The following PTPRQ variants were observed in gnomAD, a reference collection of about 807,000 sequenced individuals.
The protein encoded by PTPRQ is phosphatidylinositol phosphatase PTPRQ.
In PTPRQ, 199 loss-of-function variants were observed where a neutral mutation model predicts 246.0. The ratio of observed to expected loss-of-function variants is 0.81; its 90% CI spans 0.72 to 0.91. The LOEUF (loss-of-function observed/expected upper bound fraction) is 0.91. Among genes scored for constraint, PTPRQ ranks in the 40% least tolerant of loss-of-function variants. The pLI is 0.00. For synonymous variants in PTPRQ, 869 were observed against 853.2 expected, an observed-to-expected ratio of 1.02 and a Z score of -0.32; for missense variants, 2,624 against 2,528.4, an observed-to-expected ratio of 1.04 and a Z score of -0.81.
intron 8 of PTPRQ, among the ~76,000 whole-genome samples, chr12:80,478,168 C>G (rs1008253835): frequency 1.4e-5 from 2 of 147,744 alleles, no homozygotes; most frequent in Non-Finnish European, 3.0e-5. Flanking sequence ...TCTCCCAGCA[C>G]GCAGCTGGAG....
rs1893034117 is a variant in PTPRQ at position 80,458,054 on chromosome 12, CAT to C, written c.460+412_460+413del. On this transcript the variant is annotated intron_variant, in intron 4 of 44. Transcript: ENST00000644991. ...CTGCCTTTTCTTTTTAACATGAAGT[CAT>C]AAGCTTGTTATAACATAAGACTTTT... Among the ~76,000 whole-genome samples the C allele has an allele frequency of 2.0e-5, 3 of 151,964 alleles. No homozygotes were observed. The South Asian group carries it at 6.2e-4, about 31-fold the overall frequency.
chr12:80,576,036 A>C (rs1897271710), intron 25 of PTPRQ, among the ~76,000 whole-genome samples: 1 of 152,028 alleles, frequency 6.6e-6, no homozygotes, highest in African/African-American at 2.4e-5. Context: ...GCTCCTGAAC[A>C]ATCCCAATTC....
At chr12:80,648,810 T>G (rs1347107387) in intron 35 of PTPRQ, 87 bp from the exon 36 acceptor site, 3 of 1,217,612 alleles carry the variant, frequency 2.5e-6, no homozygotes, top group Non-Finnish European at 3.3e-6. Flanking sequence ...ATTGATTTAT[T>G]ATAATTTTCT....
chr12:80,539,670 A>T, intron 19 of PTPRQ, 106 bp from the exon 20 acceptor site: 1 of 953,846 alleles, frequency 1.0e-6, no homozygotes, highest in Non-Finnish European at 1.4e-6. Context: ...ACAACATATT[A>T]AAATAATGAT....
chr12:80,498,157 T>C (rs1894686246), intron 14 of PTPRQ, among the ~76,000 whole-genome samples: 1 of 152,064 alleles, frequency 6.6e-6, no homozygotes, highest in South Asian at 2.1e-4. Flanking sequence ...TTTGTAGATA[T>C]TGTACCTGAA....
At chr12:80,483,186 C>T (rs1894135471) in intron 8 of PTPRQ, among the ~76,000 whole-genome samples, 1 of 123,710 alleles carries the variant, frequency 8.1e-6, no homozygotes, top group South Asian at 2.7e-4. Flanking sequence ...CCATGGAATA[C>T]TATGCAGCCA....
chr12:80,469,426 A>G (rs935338806), intron 7 of PTPRQ, among the ~76,000 whole-genome samples: 5 of 152,198 alleles, frequency 3.3e-5, no homozygotes, highest in African/African-American at 4.8e-5. Context: ...AGGATCAAGT[A>G]TTATATCATT....
In PTPRQ at chr12:80,589,646, T is replaced by C. The variant is rs2121023316; in HGVS notation, c.4609+1194T>C. Among the ~76,000 whole-genome samples, 4 of 152,296 alleles carry C rather than the reference T, an allele frequency of 2.6e-5. No homozygotes were observed. The South Asian group carries it at 8.3e-4, about 32-fold the overall frequency. ...ATTTCCCAGAGTATCTGGCATAATG[T>C]CTGTAATAGTAAATGTTCAATAAAT... is the stretch of plus-strand genomic sequence containing the variant. On this transcript the variant is annotated intron_variant, in intron 26 of 44. Coordinates refer to ENST00000644991, the MANE Select transcript of PTPRQ (RefSeq NM_001145026.2).
intron 25 of PTPRQ, among the ~76,000 whole-genome samples, chr12:80,570,857 C>T (rs959282149): frequency 2.6e-5 from 4 of 152,134 alleles, no homozygotes; most frequent in East Asian, 1.9e-4. Flanking sequence ...TTCCCCATTG[C>T]TTGTTTCTGT....
chr12:80,632,907 C>T (rs1899494268), intron 34 of PTPRQ, among the ~76,000 whole-genome samples: 1 of 152,106 alleles, frequency 6.6e-6, no homozygotes, highest in Non-Finnish European at 1.5e-5. Flanking sequence ...ATGGCATGGG[C>T]AGAACGTTCA....
intron 35 of PTPRQ, among the ~76,000 whole-genome samples, chr12:80,642,389 G>A (rs1441093030): frequency 1.3e-5 from 2 of 152,124 alleles, no homozygotes; most frequent in Non-Finnish European, 2.9e-5. Context: ...ATTCTACCCT[G>A]TTGCCCCGGA....
At chr12:80,486,934 T>A (rs1479901131) in intron 9 of PTPRQ, among the ~76,000 whole-genome samples, 2 of 152,192 alleles carry the variant, frequency 1.3e-5, no homozygotes, top group African/African-American at 4.8e-5. Flanking sequence ...TTTTATGTAC[T>A]GTGACATTGC....
At chr12:80,566,696 C>T (rs919771568) in intron 25 of PTPRQ, among the ~76,000 whole-genome samples, 1 of 151,932 alleles carries the variant, frequency 6.6e-6, no homozygotes, top group Non-Finnish European at 1.5e-5. Flanking sequence ...CATGCCACCA[C>T]ACCTGGCTAA....
At chr12:80,551,577 G>A (rs772064610) in intron 25 of PTPRQ, among the ~76,000 whole-genome samples, 10 of 152,060 alleles carry the variant, frequency 6.6e-5, no homozygotes, top group African/African-American at 2.2e-4. Flanking sequence ...AAGTTTAGAC[G>A]TGTCAAGTTG....
chr12:80,482,579 C>G (rs1387681093), intron 8 of PTPRQ, among the ~76,000 whole-genome samples: 1 of 149,508 alleles, frequency 6.7e-6, no homozygotes. Flanking sequence ...ACCATCAGAG[C>G]GAACAGGCAA....
At chr12:80,522,715 A>G (rs1014150687) in intron 17 of PTPRQ, among the ~76,000 whole-genome samples, 2 of 152,166 alleles carry the variant, frequency 1.3e-5, no homozygotes, top group African/African-American at 2.4e-5. Context: ...GATGAAGCCC[A>G]CTTGATCATG....
At chr12:80,646,628 C>T (rs180768924) in intron 35 of PTPRQ, among the ~76,000 whole-genome samples, 138 of 152,242 alleles carry the variant, frequency 9.1e-4, no homozygotes, top group African/African-American at 3.2e-3. Context: ...TAGTAGGAAA[C>T]TATCTCCTTG....
intron 26 of PTPRQ, among the ~76,000 whole-genome samples, chr12:80,596,285 T>C (rs1367438827): frequency 6.6e-6 from 1 of 151,990 alleles, no homozygotes; most frequent in Non-Finnish European, 1.5e-5. Context: ...CAAAAGACCT[T>C]ATGCTAGATT....
At position 80,670,326 on chromosome 12, in the gene PTPRQ, A is replaced by T. The variant is rs1410331011; in HGVS notation, c.6454-18A>T. 2 of 1,548,684 alleles carry T rather than the reference A, an allele frequency of 1.3e-6. No homozygotes were observed. The highest frequency in any genetic ancestry group is 3.9e-5 in the Admixed American group (2 of 50,636). On this transcript the variant is annotated intron_variant, in intron 41 of 44. Transcript: ENST00000644991. ...ACTTAAATAATTTTGTCATTCATTAATCCGTCCCTTTGTCTAGCATGGGGA... is the reference window on the plus strand; with the variant it reads ...ACTTAAATAATTTTGTCATTCATTATTCCGTCCCTTTGTCTAGCATGGGGA...
Sources: gnomAD v4.1 joint callset for allele counts (sites outside exome capture counted in the v4.1 genomes callset) on GRCh38, gnomAD v4.1.1 for gene constraint, MANE v1.5 for transcripts, NCBI Gene and HGNC (gene_info 2026-07-23, HGNC 2026-07-21) for gene names.